Variants in NR3C2 observed in about 807,000 individuals in gnomAD.
NR3C2 encodes nuclear receptor subfamily 3 group C member 2, also known as mineralocorticoid receptor.
NR3C2 carries 15 observed loss-of-function variants against 86.4 expected under a neutral mutation model. The observed-to-expected ratio is 0.17, with a 90% CI of 0.12 to 0.27. NR3C2 has a LOEUF of 0.27. Among genes scored for constraint, NR3C2 ranks in the 10% least tolerant of loss-of-function variants. NR3C2 has a pLI of 1.00. For synonymous variants in NR3C2, 458 were observed against 450.5 expected (o/e 1.02, Z -0.21); for missense variants, 960 against 1,195.6 (o/e 0.80, Z 2.91).
chr4:148,236,027 C>T (rs1052963239), intron 3 of NR3C2, among the ~76,000 whole-genome samples: 1 of 152,202 alleles, frequency 6.6e-6, no homozygotes, highest in Non-Finnish European at 1.5e-5. Context: ...TGAATTGACT[C>T]TTCTGTGTTT....
At chr4:148,249,085 A>C (rs1353390513) in intron 3 of NR3C2, among the ~76,000 whole-genome samples, 1 of 152,150 alleles carries the variant, frequency 6.6e-6, no homozygotes, top group Non-Finnish European at 1.5e-5. Flanking sequence ...TGCCGCCTTT[A>C]TTATACACCA....
chr4:148,154,665 A>G lies in NR3C2; in HGVS notation c.2251T>C (p.Tyr751His). ...VLENIEPEIV[Y>H]AGYDSSKPDT... is the part of the protein sequence containing the mutation. ...GGTTTTGAGCTGTCATAGCCTGCAT[A>G]TACAATTTCAGGTTCAATGTTTTCA... Residue 751 changes from tyrosine (Y) to histidine (H), a missense_variant, in exon 5 of 9, where the codon TAT (tyrosine) becomes CAT (histidine). This residue lies in a region of NR3C2 where 151 missense variants were observed against 296.3 expected (regional missense o/e 0.51). Coordinates refer to ENST00000358102, the MANE Select transcript of NR3C2 (RefSeq NM_000901.5). The G allele has an allele frequency of 6.2e-7, 1 of 1,614,166 alleles. No individual in the cohort carries two copies. Among genetic ancestry groups the G allele is most frequent in the Non-Finnish European group, 8.5e-7 (1 of 1,180,040 alleles).
At chr4:148,088,245 G>A (rs563552691) in intron 8 of NR3C2, among the ~76,000 whole-genome samples, 2 of 152,170 alleles carry the variant, frequency 1.3e-5, no homozygotes, top group African/African-American at 2.4e-5. Context: ...GGAGAAATAA[G>A]AACACTTTTA....
intron 3 of NR3C2, 53 bp from the exon 4 acceptor site, chr4:148,194,915 CATT>C: frequency 8.2e-7 from 1 of 1,216,778 alleles, no homozygotes; most frequent in Non-Finnish European, 1.2e-6. Flanking sequence ...TAGTACAAAA[CATT>C]AATATGTATA....
At chr4:148,169,564 C>T (rs1281225016) in intron 4 of NR3C2, among the ~76,000 whole-genome samples, 1 of 151,710 alleles carries the variant, frequency 6.6e-6, no homozygotes, top group African/African-American at 2.4e-5. Flanking sequence ...TTATCCTCAA[C>T]TATGCTTTAA....
chr4:148,126,532 T>C (rs1732754742), intron 6 of NR3C2, among the ~76,000 whole-genome samples: 2 of 151,962 alleles, frequency 1.3e-5, no homozygotes, highest in Admixed American at 1.3e-4. Flanking sequence ...TTGCCTAGAG[T>C]AGAACATGAG....
intron 2 of NR3C2, among the ~76,000 whole-genome samples, chr4:148,367,150 T>C (rs1258056874): frequency 6.6e-6 from 1 of 152,184 alleles, no homozygotes; most frequent in Non-Finnish European, 1.5e-5. Context: ...TCAGTACCTC[T>C]ACATTTGAGG....
intron 3 of NR3C2, among the ~76,000 whole-genome samples, chr4:148,197,943 G>A (rs1039593374): frequency 6.6e-6 from 1 of 151,986 alleles, no homozygotes; most frequent in Non-Finnish European, 1.5e-5. Context: ...CCGTGTACTC[G>A]AGTTCAGTGT....
intron 2 of NR3C2, among the ~76,000 whole-genome samples, chr4:148,388,725 A>G (rs185925736): frequency 2.4e-4 from 36 of 152,330 alleles, no homozygotes; most frequent in African/African-American, 8.4e-4. Flanking sequence ...GGAATGCCCA[A>G]ATACTAATAA....
chr4:148,085,730 T>C (rs552651786), intron 8 of NR3C2, among the ~76,000 whole-genome samples: 1 of 151,596 alleles, frequency 6.6e-6, no homozygotes, highest in African/African-American at 2.4e-5. Context: ...ATCAACAAAA[T>C]AGATAGACTG....
intron 2 of NR3C2, among the ~76,000 whole-genome samples, chr4:148,287,115 C>T (rs1357426346): frequency 1.3e-5 from 2 of 152,236 alleles, no homozygotes; most frequent in Non-Finnish European, 2.9e-5. Flanking sequence ...AGCTTTCTAC[C>T]ATGTAACAGA....
chr4:148,369,969 G>A (rs978317616), intron 2 of NR3C2, among the ~76,000 whole-genome samples: 4 of 152,220 alleles, frequency 2.6e-5, no homozygotes, highest in African/African-American at 9.7e-5. Context: ...TTTAGAAGTA[G>A]TAACTTTCTA....
chr4:148,287,028 T>C (rs573113404), intron 2 of NR3C2, among the ~76,000 whole-genome samples: 1 of 152,224 alleles, frequency 6.6e-6, no homozygotes, highest in Non-Finnish European at 1.5e-5. Context: ...CCACATAATG[T>C]AGCACTCTAA....
intron 2 of NR3C2, among the ~76,000 whole-genome samples, chr4:148,426,886 T>C (rs979640050): frequency 6.6e-6 from 1 of 152,162 alleles, no homozygotes; most frequent in Non-Finnish European, 1.5e-5. Context: ...GTCTGGCACT[T>C]AAAACTCATG....
At chr4:148,198,634 T>C (rs1736553056) in intron 3 of NR3C2, among the ~76,000 whole-genome samples, 3 of 137,600 alleles carry the variant, frequency 2.2e-5, no homozygotes, top group African/African-American at 6.2e-5. Flanking sequence ...CTACTTTCTA[T>C]ATTATTAAAT....
chr4:148,202,215 G>A (rs1164033697), intron 3 of NR3C2, among the ~76,000 whole-genome samples: 1 of 152,220 alleles, frequency 6.6e-6, no homozygotes, highest in African/African-American at 2.4e-5. Flanking sequence ...CCCACAGAGA[G>A]GTGGTGCTGG....
chr4:148,342,927 T>C (rs1294141595), intron 2 of NR3C2, among the ~76,000 whole-genome samples: 2 of 152,110 alleles, frequency 1.3e-5, no homozygotes, highest in East Asian at 1.9e-4. Context: ...CCATTACTAA[T>C]GCAACTACTT....
rs576007352 is a variant in NR3C2, at chr4:148,271,101, A to C, written c.1758-10984T>G. Among the ~76,000 whole-genome samples, 7 of 152,270 alleles carry C rather than the reference A, an allele frequency of 4.6e-5. No homozygotes were observed. The South Asian group carries it at 1.4e-3, about 32-fold the overall frequency. On this transcript the variant is annotated intron_variant, in intron 2 of 8. Coordinates refer to ENST00000358102, the MANE Select transcript of NR3C2 (RefSeq NM_000901.5). ...TTCAAGCGCAAACATTAAAGTATGG[A>C]GGTGAAGTTGGAAACTGCTTCTTCC...
At chr4:148,266,403 G>T (rs1046699721) in intron 2 of NR3C2, among the ~76,000 whole-genome samples, 1 of 152,186 alleles carries the variant, frequency 6.6e-6, no homozygotes, top group African/African-American at 2.4e-5. Flanking sequence ...ATACTGAAAT[G>T]ACAGAGTAGC....
Sources: allele counts gnomAD v4.1 joint callset (sites outside exome capture counted in the v4.1 genomes callset), GRCh38; gene constraint gnomAD v4.1.1; regional missense constraint gnomAD v4.1.1; transcripts MANE v1.5; gene names NCBI Gene and HGNC (gene_info 2026-07-23, HGNC 2026-07-21).